The following PTPRM variants were observed in gnomAD, a reference collection of about 807,000 sequenced individuals.
PTPRM encodes receptor-type tyrosine-protein phosphatase mu.
A neutral mutation model predicts 186.7 loss-of-function variants in PTPRM; 47 were observed. The ratio of observed to expected loss-of-function variants is 0.25; its 90% CI spans 0.20 to 0.32. The LOEUF is 0.32. Ranked by LOEUF, PTPRM falls within the 10% of genes least tolerant of loss-of-function variation. PTPRM has a pLI of 1.00. For missense variants in PTPRM, 1,494 were observed against 1,865.0 expected (o/e 0.80, Z 3.66); for synonymous variants, 668 against 674.9 (o/e 0.99, Z 0.16).
At chr18:8,240,598 GGAGA>G (rs377492159) in intron 14 of PTPRM, among the ~76,000 whole-genome samples, 28 of 107,056 alleles carry the variant, frequency 2.6e-4, no homozygotes, top group South Asian at 4.1e-4. Flanking sequence ...CAACCTGCAT[GGAGA>G]GAGAGAGAGA....
chr18:8,138,585 C>G (rs1452222054), intron 13 of PTPRM, among the ~76,000 whole-genome samples: 1 of 152,126 alleles, frequency 6.6e-6, no homozygotes, highest in African/African-American at 2.4e-5. Flanking sequence ...GAAAATGAAG[C>G]CATCAAAAGA....
At chr18:7,945,991 G>C (rs546881576) in intron 5 of PTPRM, among the ~76,000 whole-genome samples, 1 of 152,276 alleles carries the variant, frequency 6.6e-6, no homozygotes, top group East Asian at 1.9e-4. Context: ...CTTTTCATGT[G>C]ATTAAGTACA....
chr18:7,897,383 AATT>A, intron 3 of PTPRM, among the ~76,000 whole-genome samples: 1 of 152,338 alleles, frequency 6.6e-6, no homozygotes, highest in South Asian at 2.1e-4. Flanking sequence ...AAGACAATTG[AATT>A]GCTTCATGCC....
intron 24 of PTPRM, among the ~76,000 whole-genome samples, chr18:8,374,661 G>A (rs183783698): frequency 5.4e-4 from 83 of 152,328 alleles, no homozygotes; most frequent in Admixed American, 9.1e-4. Context: ...ATATTGATTT[G>A]CATTTGTGAA....
At chr18:7,575,639 A>G (rs1477430379) in intron 1 of PTPRM, among the ~76,000 whole-genome samples, 1 of 152,210 alleles carries the variant, frequency 6.6e-6, no homozygotes, top group Non-Finnish European at 1.5e-5. Flanking sequence ...ATATTTGCCA[A>G]CTAAGTAAAG....
intron 14 of PTPRM, among the ~76,000 whole-genome samples, chr18:8,187,172 G>A (rs1296628448): frequency 2.0e-5 from 3 of 152,206 alleles, no homozygotes; most frequent in Non-Finnish European, 2.9e-5. Flanking sequence ...ACTCCTGGCT[G>A]CAAGTGACCC....
At chr18:8,227,260 G>A (rs2094225037) in intron 14 of PTPRM, among the ~76,000 whole-genome samples, 1 of 152,092 alleles carries the variant, frequency 6.6e-6, no homozygotes, top group Non-Finnish European at 1.5e-5. Flanking sequence ...ATGGGATCTG[G>A]GCCCTCCAAA....
At chr18:8,219,969 T>G (rs182192771) in intron 14 of PTPRM, among the ~76,000 whole-genome samples, 340 of 152,174 alleles carry the variant, frequency 2.2e-3, no homozygotes, top group African/African-American at 7.8e-3. Context: ...GTGCCTAAAC[T>G]CCAAAAGGGG....
intron 14 of PTPRM, among the ~76,000 whole-genome samples, chr18:8,186,174 A>G (rs1024423442): frequency 8.5e-5 from 13 of 152,100 alleles, no homozygotes; most frequent in African/African-American, 2.9e-4. Flanking sequence ...AAAAATACAA[A>G]AACTAGCTGG....
intron 1 of PTPRM, among the ~76,000 whole-genome samples, chr18:7,683,241 C>T (rs751464376): frequency 1.4e-5 from 2 of 147,388 alleles, no homozygotes; most frequent in Non-Finnish European, 3.0e-5. Flanking sequence ...TCATGCCTTA[C>T]TGCAGCCTCG....
rs568982970 is a variant in PTPRM, at chr18:8,326,763, T to TG, written c.2956+7551dup. ...CTAGCCATATGCAGAAGATTGAAAC[T>TG]GGACCCCTTCCTTATACCATATACA... On this transcript the variant is annotated intron_variant, in intron 22 of 32. Transcript: ENST00000580170. 1.6e-3 allele frequency among the ~76,000 whole-genome samples: 243 copies of TG among 152,344 alleles called. 1 individual carries two copies. The highest frequency in any genetic ancestry group is 5.1e-3 in the African/African-American group (214 of 41,590).
rs1188883617 is a variant in PTPRM, at chr18:7,567,955, G to A, written c.73+64G>A. 21 of 1,455,528 alleles carry A rather than the reference G, an allele frequency of 1.4e-5. No individual in the cohort carries two copies. Among genetic ancestry groups the A allele is most frequent in the Non-Finnish European group, 2.7e-6 (3 of 1,108,494 alleles). The allele number at this position is 1,455,528 out of a possible 1,614,324, so 90.2% of individuals were successfully genotyped here. A position where few individuals can be genotyped will look rare whatever the true frequency, so the allele number is the denominator to read the frequency against. Reference sequence around the variant, plus strand: ...GCCGGCGCGGGACGCCCGGGACGCCGACAGCTCCCTGGTGGTAGAGCCCTA... The same window carrying A: ...GCCGGCGCGGGACGCCCGGGACGCCAACAGCTCCCTGGTGGTAGAGCCCTA... On this transcript the variant is annotated intron_variant, in intron 1 of 32. Transcript: ENST00000580170. This position sits in a 1 kb window ranked among gnomAD's most constrained non-coding sequence, Gnocchi z 4.3.
rs2050003469 is a variant in PTPRM, at chr18:7,906,695, C to T, written c.547+112C>T. On this transcript the variant is annotated intron_variant, in intron 4 of 32. Transcript: ENST00000580170. ...AAGAGGTCATCTTGCCAAGACAGTTCCCTGACAGGCCTGTATTGTTGGTTT... is the reference window on the plus strand; with the variant it reads ...AAGAGGTCATCTTGCCAAGACAGTTTCCTGACAGGCCTGTATTGTTGGTTT... The T allele has an allele frequency of 8.5e-6, 7 of 823,684 alleles. No individual in the cohort carries two copies. In the South Asian group the frequency reaches 1.1e-4, roughly 13 times the overall value. 51.0% of individuals were successfully genotyped at this position (823,684 alleles called of 1,614,324 possible).
chr18:7,954,860 C>T (rs576327664), intron 6 of PTPRM, among the ~76,000 whole-genome samples: 101 of 152,242 alleles, frequency 6.6e-4, no homozygotes, highest in African/African-American at 1.7e-3. Context: ...ATGCTATGCA[C>T]GGTGGTTGGT....
chr18:8,176,923 A>G (rs2093492191), intron 14 of PTPRM, among the ~76,000 whole-genome samples: 1 of 152,178 alleles, frequency 6.6e-6, no homozygotes, highest in Admixed American at 6.5e-5. Flanking sequence ...TTATTTGTGG[A>G]TCAGATTGAG....
At chr18:8,394,353 C>G in intron 31 of PTPRM, 123 bp from the exon 32 acceptor site, 1 of 1,116,558 alleles carries the variant, frequency 9.0e-7, no homozygotes, top group East Asian at 2.9e-5. Flanking sequence ...TAAGAGGTCC[C>G]CCGGCCTCAG....
chr18:7,599,173 A>G (rs2143721458), intron 1 of PTPRM, among the ~76,000 whole-genome samples: 1 of 152,330 alleles, frequency 6.6e-6, no homozygotes, highest in East Asian at 1.9e-4. Flanking sequence ...TGTTAAAAAA[A>G]AGAAAAGGAA....
At chr18:7,907,469 T>C (rs749405073) in intron 4 of PTPRM, among the ~76,000 whole-genome samples, 3 of 152,210 alleles carry the variant, frequency 2.0e-5, no homozygotes, top group Non-Finnish European at 2.9e-5. Context: ...GGGAGCCAGC[T>C]GCGAGGACAA....
intron 1 of PTPRM, among the ~76,000 whole-genome samples, chr18:7,728,867 T>G (rs2040599966): frequency 6.6e-6 from 1 of 152,136 alleles, no homozygotes. Flanking sequence ...ATAATTAAAA[T>G]GAAGGATCAT....
Sources: allele counts gnomAD v4.1 joint callset (sites outside exome capture counted in the v4.1 genomes callset), GRCh38; gene constraint gnomAD v4.1.1; non-coding constraint Gnocchi (gnomAD v3.1); transcripts MANE v1.5; gene names NCBI Gene and HGNC (gene_info 2026-07-23, HGNC 2026-07-21).